Variants in QSER1 observed in about 807,000 individuals in gnomAD.
The protein encoded by QSER1 is glutamine and serine rich 1, also known as glutamine and serine-rich protein 1.
QSER1 carries 49 observed loss-of-function variants against 158.5 expected under a neutral mutation model. The observed-to-expected ratio is 0.31, with a 90% confidence interval of 0.25 to 0.39. The LOEUF (loss-of-function observed/expected upper bound fraction) is 0.39. Among genes scored for constraint, QSER1 ranks in the 10% least tolerant of loss-of-function variants. The probability of loss-of-function intolerance (pLI) is 1.00; values close to 1 mark genes in which losing one functional copy is unlikely to be tolerated. For missense variants in QSER1, 1,754 were observed against 2,010.3 expected, an observed-to-expected ratio of 0.87 and a Z score of 2.44; for synonymous variants, 650 against 715.5, an observed-to-expected ratio of 0.91 and a Z score of 1.46.
chr11:32,977,515 C>T lies in QSER1; in HGVS notation c.*1041C>T, dbSNP rs1021974322. On this transcript the variant is annotated 3_prime_UTR_variant, in exon 13 of 13. Transcript: ENST00000650167. ...ACTTGTTGAGGTAAAAATCTAACTA[C>T]ATTTACATTTTGAAGAATAAAACTG... 3 of 152,632 alleles carry T rather than the reference C, an allele frequency of 2.0e-5. No individual in the cohort carries two copies. Among genetic ancestry groups the T allele is most frequent in the African/African-American group, 7.2e-5 (3 of 41,464 alleles). 9.5% of individuals were successfully genotyped at this position (152,632 alleles called of 1,614,324 possible). A position where few individuals can be genotyped will look rare whatever the true frequency, so the allele number is the denominator to read the frequency against.
At chr11:32,972,165 T>C (rs1442040223) in intron 10 of QSER1, among the ~76,000 whole-genome samples, 1 of 152,022 alleles carries the variant, frequency 6.6e-6, no homozygotes, top group African/African-American at 2.4e-5. Flanking sequence ...AGGTTGTAAC[T>C]GTTTATAAAA....
intron 1 of QSER1, among the ~76,000 whole-genome samples, chr11:32,894,438 C>G (rs1171963729): frequency 6.6e-6 from 1 of 152,204 alleles, no homozygotes; most frequent in African/African-American, 2.4e-5. Flanking sequence ...TCATCCTCAG[C>G]TACCAACAGG....
intron 1 of QSER1, among the ~76,000 whole-genome samples, chr11:32,911,640 C>G (rs1851768304): frequency 6.6e-6 from 1 of 152,134 alleles, no homozygotes; most frequent in African/African-American, 2.4e-5. Context: ...CTCGTGAGAT[C>G]TGACAATTTA....
chr11:32,943,773 CT>C (rs1476379414), intron 4 of QSER1, among the ~76,000 whole-genome samples: 1 of 152,136 alleles, frequency 6.6e-6, no homozygotes, highest in Non-Finnish European at 1.5e-5. Context: ...AGGATTCCCT[CT>C]TTTTCTATTG....
At chr11:32,969,937 G>C (rs1208059927) in intron 10 of QSER1, among the ~76,000 whole-genome samples, 1 of 151,992 alleles carries the variant, frequency 6.6e-6, no homozygotes, top group Non-Finnish European at 1.5e-5. Context: ...CGCCCACCTT[G>C]GCCTCCCAAA....
chr11:32,970,846 T>C (rs1823209127), intron 10 of QSER1, among the ~76,000 whole-genome samples: 1 of 152,164 alleles, frequency 6.6e-6, no homozygotes. Context: ...AATTACCAGG[T>C]TTGGCTAATC....
At chr11:32,903,525 TG>T (rs1446810315) in intron 1 of QSER1, among the ~76,000 whole-genome samples, 2 of 151,468 alleles carry the variant, frequency 1.3e-5, no homozygotes, top group African/African-American at 4.9e-5. Context: ...AACAATGACT[TG>T]GAAGTGCTAA....
intron 8 of QSER1, among the ~76,000 whole-genome samples, chr11:32,959,835 C>T (rs1391836471): frequency 1.3e-5 from 2 of 151,968 alleles, no homozygotes; most frequent in Non-Finnish European, 2.9e-5. Flanking sequence ...ACTCATGACT[C>T]ACTGTAGCCT....
rs1392981986 is a variant in QSER1 at position 32,924,544 on chromosome 11, G to C, written c.210-2613G>C. ...CACTGCAATTGAGGTTGGGTGACCG[G>C]AGTGAGACCCTGTCTCAAAAAAAAA... is the stretch of plus-strand genomic sequence containing the variant. On this transcript the variant is annotated intron_variant, in intron 1 of 12. Transcript: ENST00000650167. Among the ~76,000 whole-genome samples the C allele has an allele frequency of 2.1e-5, 3 of 140,154 alleles. No individual in the cohort carries two copies. The South Asian group carries it at 6.7e-4, about 32-fold the overall frequency. 91.9% of individuals were successfully genotyped at this position (140,154 alleles called of 152,430 possible).
At chr11:32,966,610 C>G (rs771720794) in intron 9 of QSER1, among the ~76,000 whole-genome samples, 173 bp downstream of exon 9, 1 of 152,140 alleles carries the variant, frequency 6.6e-6, no homozygotes, top group Non-Finnish European at 1.5e-5. Flanking sequence ...CATGCATTCT[C>G]TGAATATTTG....
intron 1 of QSER1, among the ~76,000 whole-genome samples, chr11:32,914,444 T>C (rs1299218075): frequency 6.6e-6 from 1 of 152,228 alleles, no homozygotes; most frequent in African/African-American, 2.4e-5. Flanking sequence ...TATTATATTC[T>C]AGGTATTTGT....
chr11:32,914,603 A>G lies in QSER1; in HGVS notation c.210-12554A>G, dbSNP rs955445723. On this transcript the variant is annotated intron_variant, in intron 1 of 12. Coordinates refer to ENST00000650167, the MANE Select transcript of QSER1 (RefSeq NM_001076786.3). ...TATTTCGTGAAACATTTGCTAATTGATTTTTAAACCTGGAATGTGTTTTAT... is the reference window on the plus strand; with the variant it reads ...TATTTCGTGAAACATTTGCTAATTGGTTTTTAAACCTGGAATGTGTTTTAT... Among the ~76,000 whole-genome samples the G allele has an allele frequency of 2.0e-5, 3 of 152,162 alleles. No individual in the cohort carries two copies. In the East Asian group the frequency reaches 5.8e-4, roughly 29 times the overall value.
intron 9 of QSER1, among the ~76,000 whole-genome samples, chr11:32,967,456 G>GT (rs1852771362): frequency 6.6e-6 from 1 of 151,954 alleles, no homozygotes; most frequent in Admixed American, 6.6e-5. Context: ...CAAACCACCT[G>GT]TACCCCTAAA....
intron 4 of QSER1, among the ~76,000 whole-genome samples, chr11:32,950,186 C>A (rs886918568): frequency 6.6e-6 from 1 of 152,058 alleles, no homozygotes; most frequent in Non-Finnish European, 1.5e-5. Context: ...CCTCCGCCTC[C>A]CAGGTTCAAG....
At chr11:32,903,239 G>A (rs1425718896) in intron 1 of QSER1, among the ~76,000 whole-genome samples, 8 of 151,920 alleles carry the variant, frequency 5.3e-5, no homozygotes, top group South Asian at 2.1e-4. Flanking sequence ...AATGGTTGCC[G>A]TAGGGTATGG....
Position 32,924,200 on chromosome 11 carries a change from C to G in QSER1, c.210-2957C>G, listed in dbSNP as rs944375201. 2.0e-5 allele frequency among the ~76,000 whole-genome samples: 3 copies of G among 151,236 alleles called. No homozygotes were observed. The Admixed American group carries it at 2.0e-4, about 10-fold the overall frequency. ...GGTTGGTGAAGATTTCTTAGGACAC[C>G]AAAAGCACAAACTATAAAACAAAAA... On this transcript the variant is annotated intron_variant, in intron 1 of 12. Coordinates refer to ENST00000650167, the MANE Select transcript of QSER1 (RefSeq NM_001076786.3).
chr11:32,915,146 A>T (rs1283496661), intron 1 of QSER1, among the ~76,000 whole-genome samples: 2 of 152,158 alleles, frequency 1.3e-5, no homozygotes, highest in African/African-American at 4.8e-5. Context: ...GGACTCAAAC[A>T]ATCCTCCAGC....
intron 4 of QSER1, among the ~76,000 whole-genome samples, chr11:32,952,398 TAA>T (rs1852437194): frequency 3.3e-5 from 2 of 59,814 alleles, no homozygotes; most frequent in South Asian, 1.8e-3. Context: ...TGTTTTCTAT[TAA>T]CACAGTGTAT....
rs1851495998 is a variant in QSER1 at position 32,892,818 on chromosome 11, G to T, written c.-308G>T. ...GAGGGGGGCGGGAGGTGCATCCTGG[G>T]AAATCCACCAACATGGGGCGCAGCG... On this transcript the variant is annotated 5_prime_UTR_variant, in exon 1 of 13. Coordinates refer to ENST00000650167, the MANE Select transcript of QSER1 (RefSeq NM_001076786.3). Among the ~76,000 whole-genome samples, 1 of 148,536 alleles carries T rather than the reference G, an allele frequency of 6.7e-6. No individual in the cohort carries two copies. Among genetic ancestry groups the T allele is most frequent in the Non-Finnish European group, 1.5e-5 (1 of 67,060 alleles).
Sources: allele counts gnomAD v4.1 joint callset (sites outside exome capture counted in the v4.1 genomes callset), GRCh38; gene constraint gnomAD v4.1.1; transcripts MANE v1.5; gene names NCBI Gene and HGNC (gene_info 2026-07-23, HGNC 2026-07-21).